Variants in RNF10 observed in about 807,000 individuals in gnomAD.
RNF10 encodes E3 ubiquitin-protein ligase RNF10.
In RNF10, 38 loss-of-function variants were observed where a neutral mutation model predicts 91.4. That is an observed-to-expected ratio of 0.42 (90% confidence interval 0.32 to 0.54). RNF10 has a LOEUF of 0.54. RNF10 is among the 20% of genes least tolerant of loss of function. The pLI is 0.16. For synonymous variants in RNF10, 364 were observed against 366.3 expected, an observed-to-expected ratio of 0.99 and a Z score of 0.07; for missense variants, 945 against 1,012.0, an observed-to-expected ratio of 0.93 and a Z score of 0.90.
rs58304342 is a variant in RNF10, at chr12:120,569,538, C to CTTTTTTTTTT, written c.2042-1651_2042-1642dup. ...TAAATACATTATTTGTGATATGCAT[C>CTTTTTTTTTT]TTTTTTTTTTTGAGACAGGGTCTCG... On this transcript the variant is annotated intron_variant, in intron 13 of 16. Transcript: ENST00000325954. 1.5e-4 allele frequency among the ~76,000 whole-genome samples: 17 copies of CTTTTTTTTTT among 115,238 alleles called. 3 individuals carry two copies. The highest frequency in any genetic ancestry group is 2.9e-4 in the East Asian group (1 of 3,416). The allele number at this position is 115,238 out of a possible 152,430, so 75.6% of individuals were successfully genotyped here. A position where few individuals can be genotyped will look rare whatever the true frequency, so the allele number is the denominator to read the frequency against.
At chr12:120,571,885 G>A (rs751224475) in intron 14 of RNF10, among the ~76,000 whole-genome samples, 6 of 152,132 alleles carry the variant, frequency 3.9e-5, no homozygotes, top group Non-Finnish European at 8.8e-5. Flanking sequence ...GTGGGGGAAC[G>A]ATAGGCTAGT....
intron 7 of RNF10, among the ~76,000 whole-genome samples, chr12:120,562,004 A>AT (rs1264026842): frequency 2.6e-5 from 4 of 151,482 alleles, no homozygotes; most frequent in African/African-American, 4.9e-5. Flanking sequence ...ATTCTCTTTT[A>AT]TTTTTTTTAA....
At position 120,565,174 on chromosome 12, in the gene RNF10, C is replaced by T. The variant is rs147370516; in HGVS notation, c.1768C>T (p.Leu590=). 6.9e-5 allele frequency: 110 copies of T among 1,603,130 alleles called. No homozygotes were observed. In the East Asian group the frequency reaches 2.3e-3, roughly 33 times the overall value. The stretch of plus-strand genomic sequence containing the variant: ...ACCTCCTGTGGTCTCTAAGGAAACC[C>T]TAGAGATGTTCTCAGGTGAGAATGC... ...LQPPVVSKET[L]EMFSDDIEKR... Residue 590 remains leucine (L), a synonymous_variant, in exon 11 of 17, where the codon CTA becomes TTA. Transcript: ENST00000325954.
chr12:120,571,163 T>C (rs1283366869), intron 13 of RNF10, 28 bp from the exon 14 acceptor site: 2 of 1,512,188 alleles, frequency 1.3e-6, no homozygotes, highest in East Asian at 2.3e-5. Flanking sequence ...ACGTGACGAA[T>C]ATAATCAGGT....
At chr12:120,551,702 T>C (rs532222301) in intron 2 of RNF10, among the ~76,000 whole-genome samples, 6 of 152,108 alleles carry the variant, frequency 3.9e-5, no homozygotes, top group African/African-American at 1.4e-4. Flanking sequence ...AGGTGTATCA[T>C]AGTGCACTGC....
At chr12:120,558,474 T>C (rs1252768066) in intron 6 of RNF10, among the ~76,000 whole-genome samples, 2 of 151,444 alleles carry the variant, frequency 1.3e-5, no homozygotes, top group Admixed American at 6.6e-5. Context: ...TCCTCAGATA[T>C]GGGTGGATTT....
rs34120761 is a variant in RNF10, at chr12:120,559,176, C to CTTTT, written c.967+1514_967+1517dup. 4.5e-3 allele frequency among the ~76,000 whole-genome samples: 433 copies of CTTTT among 95,688 alleles called. 20 individuals are homozygous for CTTTT. Among genetic ancestry groups the CTTTT allele is most frequent in the African/African-American group, 0.013 (235 of 18,190 alleles). 62.8% of individuals were successfully genotyped at this position (95,688 alleles called of 152,430 possible). On this transcript the variant is annotated intron_variant, in intron 6 of 16. Coordinates refer to ENST00000325954, the MANE Select transcript of RNF10 (RefSeq NM_014868.5). Reference sequence around the variant, plus strand: ...GTTGATAGGCTGGTCTTGAACTACTCTTTTTTTTTTTTTTTTTTTTTTTGA... The same window carrying CTTTT: ...GTTGATAGGCTGGTCTTGAACTACTCTTTTTTTTTTTTTTTTTTTTTTTTTTTGA...
At position 120,577,338 on chromosome 12, in the gene RNF10, G is replaced by C. The variant is rs982462034; in HGVS notation, c.*672G>C. ...TGTAACTCACGAAGCCCTGAGACCT[G>C]CTACCCCTAAGATCGAGCTTGTTTT... On this transcript the variant is annotated 3_prime_UTR_variant, in exon 17 of 17. Coordinates refer to ENST00000325954, the MANE Select transcript of RNF10 (RefSeq NM_014868.5). 15 of 364,862 alleles carry C rather than the reference G, an allele frequency of 4.1e-5. No individual in the cohort carries two copies. Among genetic ancestry groups the C allele is most frequent in the African/African-American group, 3.1e-4 (14 of 45,876 alleles). 22.6% of individuals were successfully genotyped at this position (364,862 alleles called of 1,614,324 possible). A position where few individuals can be genotyped will look rare whatever the true frequency, so the allele number is the denominator to read the frequency against.
At chr12:120,567,098 A>C in intron 13 of RNF10, 118 bp downstream of exon 13, 1 of 920,476 alleles carries the variant, frequency 1.1e-6, no homozygotes, top group Non-Finnish European at 1.6e-6. Context: ...GCATAACCTT[A>C]CTTTGGTAGT....
chr12:120,542,207 G>A (rs552171486), intron 1 of RNF10, among the ~76,000 whole-genome samples: 2 of 152,098 alleles, frequency 1.3e-5, no homozygotes, highest in South Asian at 2.1e-4. Context: ...GTAGCCCAGG[G>A]TGGAGAGCAG....
At chr12:120,536,967 G>A (rs1354256607) in intron 1 of RNF10, among the ~76,000 whole-genome samples, 1 of 152,160 alleles carries the variant, frequency 6.6e-6, no homozygotes, top group Admixed American at 6.6e-5. Flanking sequence ...GAATATGTTG[G>A]TTAGTGGAAT....
chr12:120,563,929 T>C lies in RNF10; in HGVS notation c.1651T>C (p.Tyr551His), dbSNP rs1875298304. The change falls in exon 10 of 17, where the codon TAC becomes CAC. Residue 551 changes from tyrosine to histidine, a missense_variant. Transcript: ENST00000325954. ...AGCAACTGTGGTGGAGATTGCTGGC[T>C]ACTCCATGTCTGAGGTGAGGCCTTC... ...ISATVVEIAG[Y>H]SMSEDVRQRH... is the part of the protein sequence containing the mutation. The C allele has an allele frequency of 6.2e-7, 1 of 1,614,046 alleles. No homozygotes were observed. The highest frequency in any genetic ancestry group is 1.1e-5 in the South Asian group (1 of 91,084).
intron 4 of RNF10, among the ~76,000 whole-genome samples, chr12:120,556,530 CAAAAAAAAAAAA>C (rs34889649): frequency 5.2e-5 from 1 of 19,206 alleles, no homozygotes; most frequent in Non-Finnish European, 8.9e-5. Flanking sequence ...GACTCCGTCT[CAAAAAAAAAAAA>C]AAAAAAAAAA....
chr12:120,549,724 G>A (rs974746596), intron 2 of RNF10, among the ~76,000 whole-genome samples: 1 of 152,184 alleles, frequency 6.6e-6, no homozygotes, highest in Admixed American at 6.5e-5. Context: ...GGTGAAAGGT[G>A]CAGTGACCTG....
At chr12:120,541,299 G>A (rs545760861) in intron 1 of RNF10, among the ~76,000 whole-genome samples, 1 of 152,312 alleles carries the variant, frequency 6.6e-6, no homozygotes, top group South Asian at 2.1e-4. Flanking sequence ...GGATAATGAG[G>A]TTGGAGGATA....
Position 120,563,052 on chromosome 12 carries a change from T to C in RNF10, c.1236T>C (p.Ser412=), listed in dbSNP as rs755555878. Residue 412 remains serine, a synonymous_variant, in exon 8 of 17, where the codon TCT becomes TCC. Transcript: ENST00000325954. ...TGATGGCTCCCTTGGCGAAGGAGTC[T>C]GTTTTTCAACCCAGGAAGGTTAGTG... The part of the protein sequence containing the change: ...LVLMAPLAKE[S]VFQPRKGVLE... The C allele has an allele frequency of 3.7e-6, 6 of 1,614,130 alleles. No individual in the cohort carries two copies. Among genetic ancestry groups the C allele is most frequent in the Non-Finnish European group, 5.1e-6 (6 of 1,180,010 alleles).
chr12:120,540,235 T>C (rs1279621915), intron 1 of RNF10, among the ~76,000 whole-genome samples: 1 of 151,868 alleles, frequency 6.6e-6, no homozygotes, highest in Non-Finnish European at 1.5e-5. Context: ...AGTGCTGGGG[T>C]TACAGGCATA....
At chr12:120,569,988 G>A (rs1465909149) in intron 13 of RNF10, among the ~76,000 whole-genome samples, 4 of 152,098 alleles carry the variant, frequency 2.6e-5, no homozygotes, top group South Asian at 4.1e-4. Context: ...CCCCTCGCGG[G>A]TTCAAGCGAT....
At chr12:120,535,264 G>A (rs1440854400) in intron 1 of RNF10, among the ~76,000 whole-genome samples, 1 of 152,206 alleles carries the variant, frequency 6.6e-6, no homozygotes, top group East Asian at 1.9e-4. Context: ...GCTCACAGCA[G>A]GCCTTAAGAC....
Sources: allele counts gnomAD v4.1 joint callset (sites outside exome capture counted in the v4.1 genomes callset), GRCh38; gene constraint gnomAD v4.1.1; transcripts MANE v1.5; gene names NCBI Gene and HGNC (gene_info 2026-07-23, HGNC 2026-07-21).